SERPINB12: variants seen among roughly 807,000 people sequenced by gnomAD.
SERPINB12 encodes serpin family B member 12, also known as serpin B12.
A neutral mutation model predicts 41.1 loss-of-function variants in SERPINB12; 57 were observed. That is an observed-to-expected ratio of 1.39 (90% confidence interval 1.12 to 1.73). The LOEUF (loss-of-function observed/expected upper bound fraction) is 1.73. Among genes scored for constraint, SERPINB12 ranks in the 40% most tolerant of loss-of-function variants. The pLI, the probability that SERPINB12 is intolerant of heterozygous loss-of-function variation, is 0.00. For synonymous variants in SERPINB12, 180 were observed against 181.3 expected (o/e 0.99, Z 0.06); for missense variants, 536 against 501.9 (o/e 1.07, Z -0.65).
intron 1 of SERPINB12, among the ~76,000 whole-genome samples, chr18:63,543,086 C>T (rs1910308440): frequency 6.6e-6 from 1 of 152,140 alleles, no homozygotes. Context: ...AAGGCCTTCT[C>T]CAAGTCCTTG....
At chr18:63,555,473 A>G (rs933668810) in intron 1 of SERPINB12, among the ~76,000 whole-genome samples, 1 of 152,204 alleles carries the variant, frequency 6.6e-6, no homozygotes, top group African/African-American at 2.4e-5. Context: ...AGGGAGTTCC[A>G]CCACAAAGTG....
At chr18:63,534,775 A>G in the SERPINB12 span, among the ~76,000 whole-genome samples, 27 of 152,160 alleles carry the variant, frequency 1.8e-4, no homozygotes, top group South Asian at 5.0e-3. Context: ...GCAATAACAC[A>G]TTTGTCTTTG....
At chr18:63,549,041 T>G (rs928706989) in intron 1 of SERPINB12, among the ~76,000 whole-genome samples, 1 of 152,130 alleles carries the variant, frequency 6.6e-6, no homozygotes, top group African/African-American at 2.4e-5. Context: ...GATGTTAGTT[T>G]AAACATTTAG....
chr18:63,527,418 T>C, the SERPINB12 span, among the ~76,000 whole-genome samples: 2 of 152,200 alleles, frequency 1.3e-5, no homozygotes, highest in African/African-American at 2.4e-5. Context: ...AAGTGATTAT[T>C]AGACAGTCAA....
the SERPINB12 span, among the ~76,000 whole-genome samples, chr18:63,528,386 T>G: frequency 0.014 from 1,410 of 100,788 alleles, 16 homozygotes; most frequent in African/African-American, 0.044. Flanking sequence ...TCTTAATCTC[T>G]GAGAGCAATA....
At chr18:63,524,537 G>A in the SERPINB12 span, among the ~76,000 whole-genome samples, 15 of 152,116 alleles carry the variant, frequency 9.9e-5, no homozygotes, top group Admixed American at 3.3e-4. Flanking sequence ...TGATCCACCC[G>A]CTTCAGCCTC....
At position 63,559,598 on chromosome 18, in the gene SERPINB12, GA is replaced by G; in HGVS notation, c.325del (p.Ser109AlafsTer15). 1 of 1,614,088 alleles carries G rather than the reference GA, an allele frequency of 6.2e-7. No homozygotes were observed. Among genetic ancestry groups the G allele is most frequent in the South Asian group, 1.1e-5 (1 of 91,060 alleles). ...DQQAGSLNNE[S>X]GLVSCYFGQL... is the part of the protein sequence containing the mutation. ...CTTAGGCTGGGTCCTTAAACAATGA[GA>G]GCGGACTGGTCAGCTGCTACTTTGG... is the stretch of plus-strand genomic sequence containing the variant. On this transcript the variant is annotated frameshift_variant, in exon 4 of 8. Coordinates refer to ENST00000382768, the MANE Select transcript of SERPINB12 (RefSeq NM_001307928.2). LOFTEE classifies it high-confidence loss of function.
upstream of SERPINB12, among the ~76,000 whole-genome samples, chr18:63,539,539 G>C (rs1407420173): frequency 6.6e-6 from 1 of 152,052 alleles, no homozygotes; most frequent in Non-Finnish European, 1.5e-5. Flanking sequence ...ATTAATGTCT[G>C]TTCTCTCAAT....
chr18:63,530,328 T>A, the SERPINB12 span, among the ~76,000 whole-genome samples: 30 of 152,196 alleles, frequency 2.0e-4, no homozygotes. Flanking sequence ...CTGGACTCTC[T>A]ACAGTTACAC....
intron 7 of SERPINB12, 97 bp from the exon 8 acceptor site, chr18:63,566,510 A>G: frequency 9.4e-7 from 1 of 1,067,738 alleles, no homozygotes; most frequent in Non-Finnish European, 1.4e-6. Context: ...GAAGGTTGTC[A>G]CTGCCCACTG....
At chr18:63,547,896 T>G (rs1385273460) in intron 1 of SERPINB12, among the ~76,000 whole-genome samples, 3 of 152,166 alleles carry the variant, frequency 2.0e-5, no homozygotes, top group Non-Finnish European at 4.4e-5. Context: ...ATTAGGATTA[T>G]CTACAATGAA....
chr18:63,533,271 C>A, the SERPINB12 span, among the ~76,000 whole-genome samples: 1 of 152,144 alleles, frequency 6.6e-6, no homozygotes, highest in Admixed American at 6.6e-5. Context: ...CCACCACGCC[C>A]GGCCTCGTAT....
the SERPINB12 span, among the ~76,000 whole-genome samples, chr18:63,533,570 T>G: frequency 2.0e-5 from 3 of 152,212 alleles, no homozygotes; most frequent in East Asian, 5.8e-4. Context: ...TTTAATCCTT[T>G]TGAAAACATG....
chr18:63,555,146 T>G (rs1159598205), intron 1 of SERPINB12, among the ~76,000 whole-genome samples: 7 of 152,190 alleles, frequency 4.6e-5, no homozygotes, highest in African/African-American at 1.4e-4. Flanking sequence ...CTAGTACACC[T>G]GGTGACATCA....
At chr18:63,542,545 T>C (rs991683416) in intron 1 of SERPINB12, among the ~76,000 whole-genome samples, 53 bp downstream of exon 1, 12 of 152,218 alleles carry the variant, frequency 7.9e-5, no homozygotes, top group Non-Finnish European at 1.5e-4. Flanking sequence ...CTCTGGGGGC[T>C]AGTTGTCCTG....
chr18:63,565,012 C>A (rs926500825), intron 6 of SERPINB12, among the ~76,000 whole-genome samples: 1 of 151,956 alleles, frequency 6.6e-6, no homozygotes, highest in Non-Finnish European at 1.5e-5. Flanking sequence ...ACAGGGAGAC[C>A]GTGTCTCTAC....
the SERPINB12 span, among the ~76,000 whole-genome samples, chr18:63,537,201 G>C: frequency 3.9e-5 from 6 of 152,224 alleles, no homozygotes; most frequent in Admixed American, 3.9e-4. Context: ...GGTTTGTTTG[G>C]AGACAGCTAG....
chr18:63,552,900 G>T (rs1403923471), intron 1 of SERPINB12, among the ~76,000 whole-genome samples: 2 of 151,964 alleles, frequency 1.3e-5, no homozygotes, highest in African/African-American at 2.4e-5. Flanking sequence ...TTTTAGACTT[G>T]TATGTAAAGC....
chr18:63,546,379 C>T (rs1910388379), intron 1 of SERPINB12, among the ~76,000 whole-genome samples: 1 of 152,156 alleles, frequency 6.6e-6, no homozygotes, highest in Non-Finnish European at 1.5e-5. Flanking sequence ...AACATCAGAA[C>T]ATGCTTTGGC....
Sources: allele counts gnomAD v4.1 joint callset (sites outside exome capture counted in the v4.1 genomes callset), GRCh38; gene constraint gnomAD v4.1.1; transcripts MANE v1.5; gene names NCBI Gene and HGNC (gene_info 2026-07-23, HGNC 2026-07-21).